PTPRD: variants seen among roughly 807,000 people sequenced by gnomAD.
PTPRD encodes receptor-type tyrosine-protein phosphatase delta.
In PTPRD, 34 loss-of-function variants were observed where a neutral mutation model predicts 214.5. That is an observed-to-expected ratio of 0.16 (90% CI 0.12 to 0.21). The LOEUF (loss-of-function observed/expected upper bound fraction) is 0.21, where lower values mean the gene tolerates loss of function less well. PTPRD is among the 10% of genes least tolerant of loss of function. PTPRD has a pLI of 1.00. For synonymous variants in PTPRD, 1,128 were observed against 845.7 expected, an observed-to-expected ratio of 1.33 and a Z score of -5.79; for missense variants, 2,545 against 2,398.7, an observed-to-expected ratio of 1.06 and a Z score of -1.27.
At chr9:8,926,334 T>C (rs754905584) in intron 11 of PTPRD, among the ~76,000 whole-genome samples, 1 of 152,162 alleles carries the variant, frequency 6.6e-6, no homozygotes, top group Non-Finnish European at 1.5e-5. Context: ...ATCTTATGCT[T>C]ACCTCAATAA....
At chr9:9,701,641 G>A (rs1293815571) in intron 7 of PTPRD, among the ~76,000 whole-genome samples, 2 of 152,196 alleles carry the variant, frequency 1.3e-5, no homozygotes, top group African/African-American at 4.8e-5. Flanking sequence ...AGACCTTGCA[G>A]AGGAAAATAG....
rs753625198 is a variant in PTPRD at position 8,341,907 on chromosome 9, G to T, written c.4733C>A (p.Thr1578Asn). ...AMLERIKHEK[T>N]VDIYGHVTLM... ...AGTTACATGGCCATAAATATCTACA[G>T]TTTTTTCATGCTTTATTCTTTCTAA... Residue 1578 changes from threonine to asparagine, a missense_variant, in exon 40 of 46, where the codon ACT becomes AAT. By Grantham distance (65) the Thr-to-Asn change is moderately conservative (BLOSUM62 0). Transcript: ENST00000381196. The T allele has an allele frequency of 1.2e-6, 2 of 1,613,106 alleles. No homozygotes were observed. The highest frequency in any genetic ancestry group is 1.7e-6 in the Non-Finnish European group (2 of 1,179,594).
intron 5 of PTPRD, among the ~76,000 whole-genome samples, chr9:9,771,467 C>T (rs1597351667): frequency 6.6e-6 from 1 of 152,158 alleles, no homozygotes. Context: ...AAGTTTATAA[C>T]CATAAGAAGT....
intron 37 of PTPRD, among the ~76,000 whole-genome samples, chr9:8,383,296 G>A (rs2085775114): frequency 6.6e-6 from 1 of 152,156 alleles, no homozygotes; most frequent in South Asian, 2.1e-4. Flanking sequence ...TTCAAGGACT[G>A]GGGAAGACAT....
intron 2 of PTPRD, among the ~76,000 whole-genome samples, chr9:10,558,913 A>G (rs2131419564): frequency 6.6e-6 from 1 of 152,302 alleles, no homozygotes; most frequent in East Asian, 1.9e-4. Context: ...ACATCTTGTT[A>G]GGAATTATGT....
chr9:10,438,432 G>A (rs973497041), intron 2 of PTPRD, among the ~76,000 whole-genome samples: 5 of 151,518 alleles, frequency 3.3e-5, no homozygotes, highest in Non-Finnish European at 5.9e-5. Context: ...GCATCTATAC[G>A]GTGATAAACA....
chr9:9,189,667 TC>T (rs2099933895), intron 9 of PTPRD, among the ~76,000 whole-genome samples: 1 of 152,086 alleles, frequency 6.6e-6, no homozygotes, highest in Admixed American at 6.6e-5. Flanking sequence ...TTTATTTTTT[TC>T]TGTTTTTGTC....
At chr9:10,051,627 T>A (rs1589776572) in intron 3 of PTPRD, among the ~76,000 whole-genome samples, 1 of 145,844 alleles carries the variant, frequency 6.9e-6, no homozygotes, top group Non-Finnish European at 1.5e-5. Flanking sequence ...CAGTCCCCGG[T>A]GTGTGATGTT....
intron 7 of PTPRD, among the ~76,000 whole-genome samples, chr9:9,577,374 G>A (rs965546267): frequency 5.9e-5 from 9 of 151,754 alleles, no homozygotes; most frequent in Non-Finnish European, 1.2e-4. Flanking sequence ...GACCAGCCTC[G>A]GCAACATGGA....
intron 3 of PTPRD, among the ~76,000 whole-genome samples, chr9:10,220,683 A>T (rs972633746): frequency 2.6e-5 from 4 of 151,906 alleles, no homozygotes; most frequent in Admixed American, 6.6e-5. Context: ...AGAATGGTGC[A>T]TTGTAAAAAG....
At chr9:8,394,303 A>G (rs1459282575) in intron 36 of PTPRD, among the ~76,000 whole-genome samples, 1 of 152,164 alleles carries the variant, frequency 6.6e-6, no homozygotes, top group Non-Finnish European at 1.5e-5. Flanking sequence ...GGTTTATAAT[A>G]AAGCCTTAAG....
intron 7 of PTPRD, among the ~76,000 whole-genome samples, chr9:9,649,007 G>A (rs1478660522): frequency 2.0e-5 from 3 of 152,144 alleles, no homozygotes; most frequent in Non-Finnish European, 2.9e-5. Flanking sequence ...AAACCAAGCA[G>A]AGGGGCCTTT....
intron 6 of PTPRD, among the ~76,000 whole-genome samples, chr9:9,763,048 C>T (rs544955471): frequency 5.3e-5 from 8 of 152,172 alleles, no homozygotes; most frequent in Admixed American, 3.9e-4. Flanking sequence ...AAAGAGAGAG[C>T]GATCTCTTCC....
chr9:9,461,906 G>C (rs1036475200), intron 8 of PTPRD, among the ~76,000 whole-genome samples: 2 of 152,062 alleles, frequency 1.3e-5, no homozygotes, highest in African/African-American at 4.8e-5. Flanking sequence ...TATCTCCTCA[G>C]CTTCTTTAAC....
At chr9:10,446,422 T>C (rs1193395961) in intron 2 of PTPRD, among the ~76,000 whole-genome samples, 24 of 122,784 alleles carry the variant, frequency 2.0e-4, no homozygotes, top group Admixed American at 1.7e-3. Context: ...TTTTTCTTTT[T>C]TTTTTTTTTT....
At chr9:10,057,084 C>A (rs1178666504) in intron 3 of PTPRD, among the ~76,000 whole-genome samples, 1 of 152,154 alleles carries the variant, frequency 6.6e-6, no homozygotes, top group Non-Finnish European at 1.5e-5. Context: ...CTAGTCCCAT[C>A]TTATTCCCCA....
intron 11 of PTPRD, among the ~76,000 whole-genome samples, chr9:8,786,047 G>C (rs146737930): frequency 4.2e-5 from 6 of 141,210 alleles, no homozygotes; most frequent in Non-Finnish European, 7.6e-5. Flanking sequence ...GTGTGTGTGT[G>C]TGTGTGTGTG....
chr9:10,252,989 G>A (rs1393540801), intron 3 of PTPRD, among the ~76,000 whole-genome samples: 1 of 151,998 alleles, frequency 6.6e-6, no homozygotes, highest in Non-Finnish European at 1.5e-5. Context: ...TCAACATATT[G>A]GCCAGAGTGG....
At chr9:9,097,777 G>C (rs1315626237) in intron 10 of PTPRD, among the ~76,000 whole-genome samples, 1 of 151,750 alleles carries the variant, frequency 6.6e-6, no homozygotes. Flanking sequence ...CAGATCTTGT[G>C]AGCAGAAGAC....
Sources: gnomAD v4.1 joint callset for allele counts (sites outside exome capture counted in the v4.1 genomes callset) on GRCh38, gnomAD v4.1.1 for gene constraint, MANE v1.5 for transcripts, NCBI Gene and HGNC (gene_info 2026-07-23, HGNC 2026-07-21) for gene names.